RANBP17: variants seen among roughly 807,000 people sequenced by gnomAD.
The protein encoded by RANBP17 is ran-binding protein 17.
RANBP17 carries 158 observed loss-of-function variants against 141.2 expected under a neutral mutation model. That is an observed-to-expected ratio of 1.12 (90% CI 0.98 to 1.28). The LOEUF (loss-of-function observed/expected upper bound fraction) is 1.28, where lower values mean the gene tolerates loss of function less well. Ranked by LOEUF, RANBP17 falls within the 50% of genes most tolerant of loss-of-function variation. The pLI, the probability that RANBP17 is intolerant of heterozygous loss-of-function variation, is 0.00. For missense variants in RANBP17, 1,438 were observed against 1,290.7 expected (o/e 1.11, Z -1.75); for synonymous variants, 430 against 450.0 (o/e 0.96, Z 0.56).
At chr5:170,919,739 A>G in intron 11 of RANBP17, 126 bp downstream of exon 11, 1 of 635,626 alleles carries the variant, frequency 1.6e-6, no homozygotes. Context: ...AAGTGCACAC[A>G]ATTGTATAAC....
chr5:170,973,193 A>G (rs1561946413), intron 14 of RANBP17, among the ~76,000 whole-genome samples: 1 of 152,204 alleles, frequency 6.6e-6, no homozygotes, highest in Non-Finnish European at 1.5e-5. Flanking sequence ...AGGAAAAAAA[A>G]TTATAAAATT....
At chr5:171,006,320 A>G (rs984796672) in intron 14 of RANBP17, among the ~76,000 whole-genome samples, 1 of 152,234 alleles carries the variant, frequency 6.6e-6, no homozygotes, top group Non-Finnish European at 1.5e-5. Flanking sequence ...GGCACTATTC[A>G]CAATAGCAAA....
intron 14 of RANBP17, among the ~76,000 whole-genome samples, chr5:171,038,336 C>T (rs1443150957): frequency 1.1e-5 from 1 of 91,088 alleles, no homozygotes; most frequent in Non-Finnish European, 2.8e-5. Context: ...TTTATCAGTT[C>T]TAGGAGCCTT....
intron 14 of RANBP17, among the ~76,000 whole-genome samples, chr5:171,089,365 TGTCA>T (rs1463027406): frequency 6.7e-6 from 1 of 149,210 alleles, no homozygotes; most frequent in Non-Finnish European, 1.5e-5. Flanking sequence ...TCTTCAAAGC[TGTCA>T]GACAGGGACA....
chr5:171,264,488 T>C (rs1194046664), intron 24 of RANBP17, among the ~76,000 whole-genome samples: 2 of 152,200 alleles, frequency 1.3e-5, no homozygotes, highest in Non-Finnish European at 2.9e-5. Context: ...CTTCTAGCTG[T>C]GTGACAATGG....
At chr5:171,189,746 T>A (rs1761502584) in intron 18 of RANBP17, among the ~76,000 whole-genome samples, 1 of 152,246 alleles carries the variant, frequency 6.6e-6, no homozygotes, top group Non-Finnish European at 1.5e-5. Flanking sequence ...GACGATGATT[T>A]GTTGAGCGTT....
chr5:170,881,569 T>C (rs975927001), intron 2 of RANBP17, among the ~76,000 whole-genome samples: 1 of 152,228 alleles, frequency 6.6e-6, no homozygotes, highest in African/African-American at 2.4e-5. Flanking sequence ...CTTATTGTTA[T>C]TTGAGATGGC....
chr5:171,058,341 G>C (rs1324137449), intron 14 of RANBP17, among the ~76,000 whole-genome samples: 21 of 120,818 alleles, frequency 1.7e-4, no homozygotes, highest in Admixed American at 1.6e-3. Flanking sequence ...TCCCCAGAGT[G>C]TGATGTTCCT....
chr5:170,872,326 G>A (rs535688333), intron 1 of RANBP17, among the ~76,000 whole-genome samples: 1 of 152,206 alleles, frequency 6.6e-6, no homozygotes, highest in South Asian at 2.1e-4. Flanking sequence ...TCTATTGTTG[G>A]TGTATAGGAA....
chr5:171,035,506 C>T (rs1415332098), intron 14 of RANBP17, among the ~76,000 whole-genome samples: 3 of 148,196 alleles, frequency 2.0e-5, no homozygotes, highest in Non-Finnish European at 3.0e-5. Context: ...CATGTTAACC[C>T]GATCATGTAT....
intron 14 of RANBP17, among the ~76,000 whole-genome samples, chr5:171,039,244 G>A (rs1782086176): frequency 1.1e-5 from 1 of 90,186 alleles, no homozygotes; most frequent in Non-Finnish European, 2.5e-5. Flanking sequence ...TTCTGTTGTT[G>A]GTTTTTTTTT....
rs1300926409 is a variant in RANBP17, at chr5:171,085,204, A to G, written c.1711-84926A>G. Reference sequence around the variant, plus strand: ...ATGGCTAGCCAGTTTTCCCAGCACCATTTATTAAATAGGGAATCCTTTCCC... The same window carrying G: ...ATGGCTAGCCAGTTTTCCCAGCACCGTTTATTAAATAGGGAATCCTTTCCC... On this transcript the variant is annotated intron_variant, in intron 14 of 27. Coordinates refer to ENST00000523189, the MANE Select transcript of RANBP17 (RefSeq NM_022897.5). Among the ~76,000 whole-genome samples the G allele has an allele frequency of 2.3e-4, 32 of 139,816 alleles. No homozygotes were observed. The South Asian group carries it at 8.1e-3, about 35-fold the overall frequency. 91.7% of individuals were successfully genotyped at this position (139,816 alleles called of 152,430 possible). A position where few individuals can be genotyped will look rare whatever the true frequency, so the allele number is the denominator to read the frequency against.
At position 170,908,499 on chromosome 5, in the gene RANBP17, CTG is replaced by C. The variant is rs557450250; in HGVS notation, c.490-1161_490-1160del. Among the ~76,000 whole-genome samples, 117 of 150,964 alleles carry C rather than the reference CTG, an allele frequency of 7.8e-4. 1 individual carries two copies. The highest frequency in any genetic ancestry group is 2.6e-3 in the African/African-American group (108 of 41,186). ...GACATAAAGATGGCAACAGTAGAAACTGGGGACTACTAGATAGGGGAGAGATA... is the reference window on the plus strand; with the variant it reads ...GACATAAAGATGGCAACAGTAGAAACGGGACTACTAGATAGGGGAGAGATA... On this transcript the variant is annotated intron_variant, in intron 5 of 27. Transcript: ENST00000523189.
At chr5:170,994,789 C>T (rs147175136) in intron 14 of RANBP17, among the ~76,000 whole-genome samples, 12 of 152,128 alleles carry the variant, frequency 7.9e-5, no homozygotes, top group East Asian at 5.8e-4. Context: ...AAATTATCAA[C>T]GAGTTTAAGC....
chr5:171,107,914 G>A (rs552221404), intron 14 of RANBP17, among the ~76,000 whole-genome samples: 55 of 152,146 alleles, frequency 3.6e-4, no homozygotes, highest in Admixed American at 2.9e-3. Context: ...AATACATGCC[G>A]TACATCTTCA....
chr5:171,147,983 T>C (rs1758185745), intron 14 of RANBP17, among the ~76,000 whole-genome samples: 1 of 152,122 alleles, frequency 6.6e-6, no homozygotes, highest in Admixed American at 6.5e-5. Flanking sequence ...AGAAATCGGA[T>C]GGTTGCCGTG....
chr5:171,131,386 A>G (rs886218616), intron 14 of RANBP17, among the ~76,000 whole-genome samples: 2 of 152,230 alleles, frequency 1.3e-5, no homozygotes, highest in African/African-American at 4.8e-5. Context: ...TAATTTACCT[A>G]GCTCACTGCT....
chr5:170,964,842 G>A (rs907346050), intron 13 of RANBP17, among the ~76,000 whole-genome samples: 2 of 152,086 alleles, frequency 1.3e-5, no homozygotes, highest in Non-Finnish European at 2.9e-5. Flanking sequence ...ATTGTGAATA[G>A]TGCCACAATA....
Position 171,023,284 on chromosome 5 carries a change from T to C in RANBP17, c.1710+54907T>C, listed in dbSNP as rs112926066. On this transcript the variant is annotated intron_variant, in intron 14 of 27. Transcript: ENST00000523189. The stretch of plus-strand genomic sequence containing the variant: ...CCTCAATGGTATTACAGTACTTCAC[T>C]TCTAATGTAAGACTTTTATAACTTT... Among the ~76,000 whole-genome samples the C allele has an allele frequency of 9.6e-3, 1,457 of 152,358 alleles. 26 individuals carry two copies. Among genetic ancestry groups the C allele is most frequent in the African/African-American group, 0.034 (1,396 of 41,574 alleles).
Sources: allele counts gnomAD v4.1 joint callset (sites outside exome capture counted in the v4.1 genomes callset), GRCh38; gene constraint gnomAD v4.1.1; transcripts MANE v1.5; gene names NCBI Gene and HGNC (gene_info 2026-07-23, HGNC 2026-07-21).